The following COL14A1 variants were observed in gnomAD, a reference collection of about 807,000 sequenced individuals.
COL14A1 encodes the protein collagen type XIV alpha 1 chain, also known as collagen alpha-1(XIV) chain.
Under a neutral mutation model 230.3 loss-of-function variants are expected in COL14A1, and 136 were observed. The ratio of observed to expected loss-of-function variants is 0.59; its 90% confidence interval spans 0.51 to 0.68. The LOEUF is 0.68. Among genes scored for constraint, COL14A1 ranks in the 30% least tolerant of loss-of-function variants. The probability of loss-of-function intolerance (pLI) is 0.00; values close to 1 mark genes in which losing one functional copy is unlikely to be tolerated. For missense variants in COL14A1, 1,976 were observed against 2,215.8 expected (o/e 0.89, Z 2.17); for synonymous variants, 792 against 784.1 (o/e 1.01, Z -0.17).
chr8:120,351,990 T>C (rs1260317662), intron 45 of COL14A1, among the ~76,000 whole-genome samples: 2 of 88,452 alleles, frequency 2.3e-5, no homozygotes, highest in African/African-American at 1.2e-4. Context: ...AAATCCTCAA[T>C]AAAATACTGG....
intron 1 of COL14A1, among the ~76,000 whole-genome samples, chr8:120,128,228 C>CGCGTGTGTGT (rs1371704696): frequency 6.8e-5 from 10 of 146,784 alleles, no homozygotes; most frequent in Middle Eastern, 3.5e-3. Flanking sequence ...TGTGCGCGCG[C>CGCGTGTGTGT]GTGTGTGTGT....
chr8:120,312,934 G>A (rs918783552), intron 37 of COL14A1, among the ~76,000 whole-genome samples: 1 of 152,216 alleles, frequency 6.6e-6, no homozygotes, highest in Non-Finnish European at 1.5e-5. Flanking sequence ...AGAAGAGACT[G>A]AGGATAGGTA....
At chr8:120,340,993 T>C (rs1456233613) in intron 42 of COL14A1, among the ~76,000 whole-genome samples, 2 of 152,148 alleles carry the variant, frequency 1.3e-5, no homozygotes, top group Non-Finnish European at 1.5e-5. Context: ...ATACAGTACA[T>C]AGAGTGGCGT....
intron 19 of COL14A1, among the ~76,000 whole-genome samples, chr8:120,240,183 GT>G (rs67282699): frequency 0.59 from 87,759 of 148,772 alleles, 27,002 homozygotes; most frequent in East Asian, 0.79. Context: ...TTGCAAAACT[GT>G]TTTTTTTTTT....
intron 4 of COL14A1, among the ~76,000 whole-genome samples, chr8:120,166,950 C>T (rs561261354): frequency 7.1e-6 from 1 of 141,536 alleles, no homozygotes; most frequent in East Asian, 2.1e-4. Context: ...GGTGGGGGTG[C>T]TCCAAAGTGC....
chr8:120,248,545 A>G (rs1383581094), intron 21 of COL14A1, among the ~76,000 whole-genome samples: 1 of 152,188 alleles, frequency 6.6e-6, no homozygotes, highest in Non-Finnish European at 1.5e-5. Flanking sequence ...TTTTAAAAAC[A>G]TTCTTACGGT....
chr8:120,315,168 G>T (rs1242698226), intron 38 of COL14A1, among the ~76,000 whole-genome samples: 1 of 152,070 alleles, frequency 6.6e-6, no homozygotes, highest in African/African-American at 2.4e-5. Flanking sequence ...TCAGGAGCTT[G>T]AGACTAGCCT....
intron 31 of COL14A1, 130 bp downstream of exon 31, chr8:120,281,189 T>C: frequency 1.3e-6 from 1 of 791,670 alleles, no homozygotes; most frequent in Non-Finnish European, 1.9e-6. Context: ...GTAGAAGATA[T>C]TTACATTTCT....
At chr8:120,278,605 C>T in intron 28 of COL14A1, 27 bp downstream of exon 28, 1 of 1,595,732 alleles carries the variant, frequency 6.3e-7, no homozygotes, top group South Asian at 1.1e-5. Flanking sequence ...ATAGTGGCTA[C>T]CAAATATGAT....
At chr8:120,281,451 G>A (rs1820035798) in intron 31 of COL14A1, among the ~76,000 whole-genome samples, 1 of 151,760 alleles carries the variant, frequency 6.6e-6, no homozygotes, top group Non-Finnish European at 1.5e-5. Flanking sequence ...TGTAGTCCCA[G>A]CTACTCTGGA....
Position 120,270,053 on chromosome 8 carries a change from C to T in COL14A1, c.3092C>T (p.Ala1031Val), listed in dbSNP as rs1299937139. ...TCTTCAGTATGTAAGGCGGCCAAGG[C>T]TGACCTGGTATTTATGGTGGATGGA... The part of the protein sequence containing the change: ...PAKEVCKAAK[A>V]DLVFMVDGSW... The change falls in exon 26 of 48, where the codon GCT (alanine) becomes GTT (valine). Residue 1031 changes from alanine to valine, a missense_variant. Physicochemically the swap from Ala to Val is moderately conservative, Grantham distance 64. Coordinates refer to ENST00000297848, the MANE Select transcript of COL14A1 (RefSeq NM_021110.4). 6.2e-7 allele frequency: 1 copy of T among 1,611,146 alleles called. No homozygotes were observed. Among genetic ancestry groups the T allele is most frequent in the Non-Finnish European group, 8.5e-7 (1 of 1,178,182 alleles).
At chr8:120,332,117 A>G (rs770685259) in intron 40 of COL14A1, 24 bp from the exon 41 acceptor site, 8 of 1,612,988 alleles carry the variant, frequency 5.0e-6, no homozygotes, top group Non-Finnish European at 6.8e-6. Context: ...CCACTTGCTG[A>G]CATGCTGTGT....
intron 9 of COL14A1, among the ~76,000 whole-genome samples, 199 bp downstream of exon 9, chr8:120,204,069 G>T (rs1440085016): frequency 6.6e-6 from 1 of 152,144 alleles, no homozygotes; most frequent in South Asian, 2.1e-4. Context: ...TTAAACACAA[G>T]ATGATTTTCT....
Position 120,247,672 on chromosome 8 carries a change from A to C in COL14A1, c.2539A>C (p.Ile847Leu), listed in dbSNP as rs758915223. 6.8e-6 allele frequency: 11 copies of C among 1,614,166 alleles called. No homozygotes were observed. In the South Asian group the frequency reaches 1.2e-4, roughly 18 times the overall value. The change falls in exon 21 of 48, where the codon ATT becomes CTT. Residue 847 changes from isoleucine (I) to leucine (L), a missense_variant. Physicochemically the swap from Ile to Leu is conservative, Grantham distance 5 (BLOSUM62 2). Around this residue, in one of 3 missense-constraint regions of COL14A1, gnomAD observed 1,791 missense variants for 2,019.5 expected, o/e 0.89. Transcript: ENST00000297848. ...VSEEWYNRLR[I>L]TWDPPSSPVK... is the part of the protein sequence containing the mutation. ...CGAGGAATGGTATAACCGGTTGCGC[A>C]TTACGTGGGACCCCCCATCTTCCCC...
intron 37 of COL14A1, among the ~76,000 whole-genome samples, chr8:120,312,095 T>C (rs1232102007): frequency 6.6e-6 from 1 of 151,966 alleles, no homozygotes; most frequent in Non-Finnish European, 1.5e-5. Context: ...CAAGACTCCA[T>C]CTCAAATAAA....
At chr8:120,321,960 G>A (rs1417496617) in intron 40 of COL14A1, among the ~76,000 whole-genome samples, 1 of 152,040 alleles carries the variant, frequency 6.6e-6, no homozygotes, top group Non-Finnish European at 1.5e-5. Flanking sequence ...AGTATATTGT[G>A]TGAGACCTAC....
chr8:120,226,037 C>T (rs1209219925), intron 15 of COL14A1, among the ~76,000 whole-genome samples: 1 of 150,522 alleles, frequency 6.6e-6, no homozygotes, highest in Non-Finnish European at 1.5e-5. Flanking sequence ...TAATAAAAAT[C>T]AATTCTTTGA....
chr8:120,246,054 T>A (rs144464851), intron 20 of COL14A1, among the ~76,000 whole-genome samples: 1,665 of 152,234 alleles, frequency 0.011, 29 homozygotes, highest in African/African-American at 0.038. Flanking sequence ...TGTGGTTAGG[T>A]TCAAAATGGT....
chr8:120,199,242 G>T (rs374848635), intron 7 of COL14A1, among the ~76,000 whole-genome samples, 160 bp from the exon 8 acceptor site: 224 of 152,156 alleles, frequency 1.5e-3, no homozygotes, highest in African/African-American at 5.0e-3. Context: ...TTAGTTCCTT[G>T]TTGAATCTGT....
Sources: allele counts gnomAD v4.1 joint callset (sites outside exome capture counted in the v4.1 genomes callset), GRCh38; gene constraint gnomAD v4.1.1; regional missense constraint gnomAD v4.1.1; transcripts MANE v1.5; gene names NCBI Gene and HGNC (gene_info 2026-07-23, HGNC 2026-07-21).